CNBD1: variants seen among roughly 807,000 people sequenced by gnomAD.
CNBD1 encodes cyclic nucleotide binding domain containing 1, also known as cyclic nucleotide-binding domain-containing protein 1.
CNBD1 carries 71 observed loss-of-function variants against 54.4 expected under a neutral mutation model. The observed-to-expected ratio is 1.30, with a 90% confidence interval of 1.08 to 1.59. The LOEUF (loss-of-function observed/expected upper bound fraction) is 1.59. Ranked by LOEUF, CNBD1 falls within the 40% of genes most tolerant of loss-of-function variation. The pLI is 0.00. For missense variants in CNBD1, 659 were observed against 518.0 expected, an observed-to-expected ratio of 1.27 and a Z score of -2.64; for synonymous variants, 182 against 170.7, an observed-to-expected ratio of 1.07 and a Z score of -0.51.
intron 8 of CNBD1, among the ~76,000 whole-genome samples, chr8:87,344,092 G>T (rs112139991): frequency 0.015 from 2,244 of 152,084 alleles, 56 homozygotes; most frequent in African/African-American, 0.048. Flanking sequence ...GTGGGAAAAG[G>T]CCAGTAATTT....
intron 10 of CNBD1, among the ~76,000 whole-genome samples, chr8:87,370,302 CA>C (rs1810750609): frequency 6.6e-6 from 1 of 152,158 alleles, no homozygotes; most frequent in South Asian, 2.1e-4. Flanking sequence ...GGAATCGCCA[CA>C]CTGACTTCCA....
intron 4 of CNBD1, among the ~76,000 whole-genome samples, chr8:86,980,354 C>T (rs1759351225): frequency 6.6e-6 from 1 of 152,178 alleles, no homozygotes; most frequent in South Asian, 2.1e-4. Flanking sequence ...GACTGGGTCA[C>T]AGGGTGAGTG....
At chr8:87,103,725 C>T (rs1214869158) in intron 4 of CNBD1, among the ~76,000 whole-genome samples, 1 of 152,156 alleles carries the variant, frequency 6.6e-6, no homozygotes, top group Non-Finnish European at 1.5e-5. Context: ...CCACCCACGA[C>T]ACATGGGGAT....
At chr8:87,393,258 A>ACGTCCG (rs1056874106) in intron 2 of CNBD1, among the ~76,000 whole-genome samples, 70 of 151,990 alleles carry the variant, frequency 4.6e-4, no homozygotes, top group Admixed American at 1.6e-3. Context: ...ATTTACTCTG[A>ACGTCCG]CTGGACTCAA....
At chr8:87,393,975 T>A (rs74831712) in intron 2 of CNBD1, among the ~76,000 whole-genome samples, 2,871 of 151,870 alleles carry the variant, frequency 0.019, 93 homozygotes, top group African/African-American at 0.063. Context: ...GTAATGCACT[T>A]ACTTGAGTAA....
chr8:87,155,731 G>A (rs939933782), intron 4 of CNBD1, among the ~76,000 whole-genome samples: 1 of 152,186 alleles, frequency 6.6e-6, no homozygotes, highest in African/African-American at 2.4e-5. Context: ...GCATTCCAGA[G>A]ACATTTATAG....
Position 87,177,955 on chromosome 8 carries a change from T to C in CNBD1, c.432-28038T>C, listed in dbSNP as rs141530264. Among the ~76,000 whole-genome samples, 446 of 152,274 alleles carry C rather than the reference T, an allele frequency of 2.9e-3. 4 individuals carry two copies. The highest frequency in any genetic ancestry group is 0.01 in the African/African-American group (423 of 41,552). On this transcript the variant is annotated intron_variant, in intron 4 of 10. Coordinates refer to ENST00000518476, the MANE Select transcript of CNBD1 (RefSeq NM_173538.3). The stretch of plus-strand genomic sequence containing the variant: ...TGGAAAGGTACATAAAGAAGATATA[T>C]AATGTAATGTTGTATGAACAGACAT...
intron 6 of CNBD1, among the ~76,000 whole-genome samples, chr8:87,266,261 A>G (rs553713424): frequency 1.1e-4 from 16 of 151,876 alleles, no homozygotes; most frequent in Middle Eastern, 3.4e-3. Flanking sequence ...GCAAAAGGCT[A>G]AGAATACACT....
At chr8:87,225,334 G>A (rs201632359) in intron 5 of CNBD1, among the ~76,000 whole-genome samples, 1 of 151,452 alleles carries the variant, frequency 6.6e-6, no homozygotes, top group East Asian at 1.9e-4. Flanking sequence ...TTTTCAAAGG[G>A]AATGCTTCCA....
chr8:87,306,207 C>T (rs1211825284), intron 8 of CNBD1, among the ~76,000 whole-genome samples: 1 of 152,070 alleles, frequency 6.6e-6, no homozygotes, highest in Non-Finnish European at 1.5e-5. Context: ...AATGCGATAC[C>T]ACCTCACTCC....
intron 4 of CNBD1, among the ~76,000 whole-genome samples, chr8:87,160,854 C>G (rs770357456): frequency 6.6e-6 from 1 of 152,076 alleles, no homozygotes; most frequent in Non-Finnish European, 1.5e-5. Flanking sequence ...GGAGAACACT[C>G]TTTGATGATT....
At chr8:86,958,215 CT>C (rs1807830094) in intron 4 of CNBD1, among the ~76,000 whole-genome samples, 1 of 152,134 alleles carries the variant, frequency 6.6e-6, no homozygotes, top group South Asian at 2.1e-4. Context: ...AATTTCTGTT[CT>C]TTTACATTTG....
Position 86,996,141 on chromosome 8 carries a change from T to A in CNBD1, c.431+56387T>A, listed in dbSNP as rs574485267. Among the ~76,000 whole-genome samples the A allele has an allele frequency of 1.6e-4, 25 of 152,312 alleles. No individual in the cohort carries two copies. The South Asian group carries it at 2.9e-3, about 18-fold the overall frequency. On this transcript the variant is annotated intron_variant, in intron 4 of 10. Coordinates refer to ENST00000518476, the MANE Select transcript of CNBD1 (RefSeq NM_173538.3). ...CTCCTGTTTATTATTTTATTTTTTT[T>A]AATAAATTCAGAAAGCATTTCTAGA... is the stretch of plus-strand genomic sequence containing the variant.
At chr8:86,989,472 A>G (rs1808690945) in intron 4 of CNBD1, among the ~76,000 whole-genome samples, 1 of 152,008 alleles carries the variant, frequency 6.6e-6, no homozygotes, top group East Asian at 1.9e-4. Context: ...TTTTTTTCAG[A>G]TGGAGTCTCG....
At chr8:87,270,528 G>A (rs1252380933) in intron 6 of CNBD1, among the ~76,000 whole-genome samples, 1 of 151,868 alleles carries the variant, frequency 6.6e-6, no homozygotes, top group Non-Finnish European at 1.5e-5. Context: ...GTGTAAATTA[G>A]TTCAACCATT....
At chr8:87,333,837 G>A (rs891158041) in intron 8 of CNBD1, among the ~76,000 whole-genome samples, 3 of 151,744 alleles carry the variant, frequency 2.0e-5, no homozygotes, top group African/African-American at 7.3e-5. Context: ...TCTTTTTTTT[G>A]TTGTGTTCCT....
At chr8:87,073,710 A>T (rs1586237489) in intron 4 of CNBD1, among the ~76,000 whole-genome samples, 1 of 152,158 alleles carries the variant, frequency 6.6e-6, no homozygotes, top group East Asian at 1.9e-4. Context: ...TGGAGTACTG[A>T]TGTGTTGCCA....
At chr8:86,919,042 G>C (rs115134803) in intron 3 of CNBD1, among the ~76,000 whole-genome samples, 1 of 150,960 alleles carries the variant, frequency 6.6e-6, no homozygotes, top group Non-Finnish European at 1.5e-5. Context: ...AAAAAAAAGA[G>C]AAAGGCAATT....
chr8:87,292,630 T>C (rs1808808686), intron 8 of CNBD1, among the ~76,000 whole-genome samples: 1 of 152,180 alleles, frequency 6.6e-6, no homozygotes, highest in South Asian at 2.1e-4. Context: ...TATGGCTCAA[T>C]GCCTCTTCCA....
Sources: gnomAD v4.1 joint callset for allele counts (sites outside exome capture counted in the v4.1 genomes callset) on GRCh38, gnomAD v4.1.1 for gene constraint, MANE v1.5 for transcripts, NCBI Gene and HGNC (gene_info 2026-07-23, HGNC 2026-07-21) for gene names.